TWIST2: variants seen among roughly 807,000 people sequenced by gnomAD.
TWIST2 encodes the protein twist-related protein 2.
Under a neutral mutation model 11.6 loss-of-function variants are expected in TWIST2, and 1 was observed. That is an observed-to-expected ratio of 0.09 (90% CI 0.03 to 0.41). TWIST2 has a LOEUF of 0.41. Ranked by LOEUF, TWIST2 falls within the 10% of genes least tolerant of loss-of-function variation. The probability of loss-of-function intolerance (pLI) is 0.98; values close to 1 mark genes in which losing one functional copy is unlikely to be tolerated. For missense variants in TWIST2, 168 were observed against 226.4 expected (o/e 0.74, Z 1.66); for synonymous variants, 87 against 96.6 (o/e 0.90, Z 0.58).
chr2:238,868,529 C>T (rs146350648), intron 1 of TWIST2, among the ~76,000 whole-genome samples: 4,718 of 152,290 alleles, frequency 0.031, 154 homozygotes, highest in East Asian at 0.18. Flanking sequence ...TCCCATTCCA[C>T]GTCCCTACAT....
intron 1 of TWIST2, among the ~76,000 whole-genome samples, chr2:238,871,403 CACCCCACACACACCACAA>C (rs1489601648): frequency 1.0e-4 from 8 of 77,102 alleles, no homozygotes; most frequent in East Asian, 7.2e-4. Context: ...ACACACCACA[CACCCCACACACACCACAA>C]CCCCACACGC....
At chr2:238,881,660 G>C (rs943639950) in intron 1 of TWIST2, among the ~76,000 whole-genome samples, 1 of 152,098 alleles carries the variant, frequency 6.6e-6, no homozygotes, top group Non-Finnish European at 1.5e-5. Flanking sequence ...AGTTCTGGCT[G>C]GGCTGGGCTG....
chr2:238,858,893 G>A (rs567415249), intron 1 of TWIST2, among the ~76,000 whole-genome samples: 4 of 152,232 alleles, frequency 2.6e-5, no homozygotes, highest in East Asian at 3.9e-4. Context: ...TAGCCCATTC[G>A]TACAATGGAA....
At chr2:238,908,218 C>T (rs1373037955) in intron 1 of TWIST2, among the ~76,000 whole-genome samples, 1 of 141,910 alleles carries the variant, frequency 7.0e-6, no homozygotes, top group Non-Finnish European at 1.5e-5. Flanking sequence ...TACACATATA[C>T]CCCCCATACA....
rs1218990792 is a variant in TWIST2, at chr2:238,870,862, C to T, written c.*35+22129C>T. On this transcript the variant is annotated intron_variant, in intron 1 of 1. Coordinates refer to ENST00000612363, the MANE Select transcript of TWIST2 (RefSeq NM_001271893.4). ...CCCACACGCCACACACACACCTTAC[C>T]CCACACACACCACACACACACCACA... Among the ~76,000 whole-genome samples the T allele has an allele frequency of 3.7e-5, 2 of 53,474 alleles. 1 individual carries two copies. Among genetic ancestry groups the T allele is most frequent in the Non-Finnish European group, 7.1e-5 (2 of 28,174 alleles). The allele number at this position is 53,474 out of a possible 152,430, so 35.1% of individuals were successfully genotyped here.
At chr2:238,903,536 TGTG>T (rs1458193893) in intron 1 of TWIST2, among the ~76,000 whole-genome samples, 2,771 of 129,894 alleles carry the variant, frequency 0.021, 117 homozygotes, top group African/African-American at 0.078. Flanking sequence ...TAATGTGAGG[TGTG>T]TGTGGGTTGT....
At chr2:238,880,463 TTA>T (rs1425461929) in intron 1 of TWIST2, among the ~76,000 whole-genome samples, 1 of 111,464 alleles carries the variant, frequency 9.0e-6, no homozygotes, top group Non-Finnish European at 1.8e-5. Flanking sequence ...TTTATTAGTA[TTA>T]GTTACTATTT....
chr2:238,873,342 T>G (rs988960100), intron 1 of TWIST2, among the ~76,000 whole-genome samples: 6 of 151,992 alleles, frequency 3.9e-5, no homozygotes, highest in Non-Finnish European at 8.8e-5. Context: ...ACAGCAGATG[T>G]GGGCTTGCTG....
Position 238,848,366 on chromosome 2 carries a change from G to A in TWIST2, c.151G>A (p.Gly51Ser), listed in dbSNP as rs768787419. 1 of 1,534,736 alleles carries A rather than the reference G, an allele frequency of 6.5e-7. No individual in the cohort carries two copies. The highest frequency in any genetic ancestry group is 1.2e-5 in the South Asian group (1 of 84,028). Residue 51 changes from glycine (G) to serine (S), a missense_variant, in exon 1 of 2, where the codon GGC (glycine) becomes AGC (serine). This residue lies in a region of TWIST2 where 83 missense variants were observed against 92.7 expected (regional missense o/e 0.90). Coordinates refer to ENST00000612363, the MANE Select transcript of TWIST2 (RefSeq NM_001271893.4). Reference protein sequence around the residue: ...EDGSPTPGKRGKKGSPSAQSF... With the variant: ...EDGSPTPGKRSKKGSPSAQSF... ...TGGCAGCCCGACCCCGGGCAAGCGC[G>A]GCAAGAAGGGCAGCCCCAGCGCGCA...
chr2:238,848,630 G>C lies in TWIST2; in HGVS notation c.415G>C (p.Glu139Gln). 1 of 1,541,956 alleles carries C rather than the reference G, an allele frequency of 6.5e-7. No individual in the cohort carries two copies. Among genetic ancestry groups the C allele is most frequent in the Non-Finnish European group, 8.7e-7 (1 of 1,149,772 alleles). Residue 139 changes from glutamate (E) to glutamine (Q), a missense_variant, in exon 1 of 2, where the codon GAG becomes CAG. Around this residue, in one of 3 missense-constraint regions of TWIST2, gnomAD observed 62 missense variants for 75.3 expected, o/e 0.82. Transcript: ENST00000612363. Reference sequence around the variant, plus strand: ...GACCAGCTGCAGCTACGTGGCCCACGAGCGCCTCAGCTACGCCTTCTCCGT... The same window carrying C: ...GACCAGCTGCAGCTACGTGGCCCACCAGCGCCTCAGCTACGCCTTCTCCGT... ...KMTSCSYVAH[E>Q]RLSYAFSVWR...
intron 1 of TWIST2, among the ~76,000 whole-genome samples, chr2:238,878,175 G>A: frequency 6.6e-6 from 1 of 152,108 alleles, no homozygotes; most frequent in East Asian, 1.9e-4. Context: ...CAGCTCTCAT[G>A]GTGCCCTCTC....
At chr2:238,903,054 GTGTGTGTGATGTA>G (rs1693296469) in intron 1 of TWIST2, among the ~76,000 whole-genome samples, 1 of 127,100 alleles carries the variant, frequency 7.9e-6, no homozygotes. Flanking sequence ...TGTGTGTGAT[GTGTGTGTGATGTA>G]GTGTGTGTGA....
chr2:238,876,530 T>A (rs1051671819), intron 1 of TWIST2, among the ~76,000 whole-genome samples: 6 of 151,924 alleles, frequency 3.9e-5, no homozygotes, highest in Non-Finnish European at 7.4e-5. Flanking sequence ...TTAGAAAAAA[T>A]AAAGATGAGA....
chr2:238,905,906 TGTGTGTGCGTGCAGGTGTGC>T (rs1383787730), intron 1 of TWIST2, among the ~76,000 whole-genome samples: 18 of 40,904 alleles, frequency 4.4e-4, no homozygotes, highest in African/African-American at 2.2e-3. Flanking sequence ...CGTGTGTGCG[TGTGTGTGCGTGCAGGTGTGC>T]GTGTGCGCGT....
At chr2:238,865,408 G>A (rs1214576571) in intron 1 of TWIST2, among the ~76,000 whole-genome samples, 2 of 152,190 alleles carry the variant, frequency 1.3e-5, no homozygotes, top group African/African-American at 4.8e-5. Context: ...GGATCCAGCC[G>A]GGCACCTGTT....
chr2:238,856,214 G>C (rs1357329549), intron 1 of TWIST2, among the ~76,000 whole-genome samples: 1 of 152,180 alleles, frequency 6.6e-6, no homozygotes, highest in Non-Finnish European at 1.5e-5. Context: ...ATGCGAGCTG[G>C]CAGCATTGGA....
At chr2:238,903,635 G>GA (rs2106374642) in intron 1 of TWIST2, among the ~76,000 whole-genome samples, 1 of 18,644 alleles carries the variant, frequency 5.4e-5, no homozygotes. Flanking sequence ...TGAGGTGTGT[G>GA]TGTGATGTGT....
At chr2:238,869,831 C>G (rs187814648) in intron 1 of TWIST2, among the ~76,000 whole-genome samples, 41 of 152,218 alleles carry the variant, frequency 2.7e-4, no homozygotes, top group Admixed American at 2.6e-3. Context: ...GCCTATAATC[C>G]TAGCTACTTG....
In TWIST2 at chr2:238,848,620, C is replaced by T. The variant is rs1459832626; in HGVS notation, c.405C>T (p.Tyr135=). The T allele has an allele frequency of 3.9e-6, 6 of 1,546,714 alleles. No individual in the cohort carries two copies. In the Admixed American group the frequency reaches 5.8e-5, roughly 15 times the overall value. Residue 135 remains tyrosine (Y), a synonymous_variant, in exon 1 of 2, where the codon TAC becomes TAT. Transcript: ENST00000612363. Reference sequence around the variant, plus strand: ...ACAATAAGATGACCAGCTGCAGCTACGTGGCCCACGAGCGCCTCAGCTACG... The same window carrying T: ...ACAATAAGATGACCAGCTGCAGCTATGTGGCCCACGAGCGCCTCAGCTACG... ...EMDNKMTSCS[Y]VAHERLSYAF...
Sources: gnomAD v4.1 joint callset for allele counts (sites outside exome capture counted in the v4.1 genomes callset) on GRCh38, gnomAD v4.1.1 for gene constraint, gnomAD v4.1.1 regional missense constraint, MANE v1.5 for transcripts, NCBI Gene and HGNC (gene_info 2026-07-23, HGNC 2026-07-21) for gene names.